Variants in SPOCK3 observed in about 807,000 individuals in gnomAD.
The protein encoded by SPOCK3 is SPARC (osteonectin), cwcv and kazal like domains proteoglycan 3.
SPOCK3 carries 30 observed loss-of-function variants against 56.6 expected under a neutral mutation model. The ratio of observed to expected loss-of-function variants is 0.53; its 90% CI spans 0.40 to 0.72. The LOEUF is 0.72. Among genes scored for constraint, SPOCK3 ranks in the 30% least tolerant of loss-of-function variants. The pLI is 0.00. For missense variants in SPOCK3, 527 were observed against 530.0 expected (o/e 0.99, Z 0.06); for synonymous variants, 196 against 183.3 (o/e 1.07, Z -0.56).
At chr4:167,131,870 T>A (rs1043469933) in intron 2 of SPOCK3, among the ~76,000 whole-genome samples, 2 of 152,206 alleles carry the variant, frequency 1.3e-5, no homozygotes, top group Non-Finnish European at 2.9e-5. Context: ...GTACTATGAA[T>A]CTCAAAACCT....
At chr4:167,086,211 A>G (rs769777871) in intron 2 of SPOCK3, among the ~76,000 whole-genome samples, 1 of 152,150 alleles carries the variant, frequency 6.6e-6, no homozygotes, top group Non-Finnish European at 1.5e-5. Context: ...GGGAAATAAT[A>G]TACTTAACTA....
At chr4:166,740,783 C>T (rs1734764288) in intron 9 of SPOCK3, among the ~76,000 whole-genome samples, 1 of 152,034 alleles carries the variant, frequency 6.6e-6, no homozygotes, top group Non-Finnish European at 1.5e-5. Context: ...ACCTTGGCCT[C>T]CTAAAGTGTT....
intron 8 of SPOCK3, chr4:166,754,186 G>A (rs1736769726): frequency 1.9e-6 from 2 of 1,039,328 alleles, no homozygotes; most frequent in Non-Finnish European, 2.3e-6. Context: ...AAAGCAGATA[G>A]CAAATTAATT....
intron 5 of SPOCK3, among the ~76,000 whole-genome samples, chr4:166,903,838 A>T (rs925618253): frequency 1.3e-5 from 2 of 152,052 alleles, no homozygotes; most frequent in African/African-American, 2.4e-5. Flanking sequence ...TAAAACATAC[A>T]GTGCTCATAG....
intron 3 of SPOCK3, among the ~76,000 whole-genome samples, chr4:167,040,632 G>T (rs899032769): frequency 2.0e-5 from 3 of 152,086 alleles, no homozygotes; most frequent in African/African-American, 7.2e-5. Flanking sequence ...AATTTCTCCT[G>T]AAAGTAAAAT....
chr4:166,812,141 T>C (rs1743894113), intron 6 of SPOCK3, among the ~76,000 whole-genome samples: 1 of 151,870 alleles, frequency 6.6e-6, no homozygotes, highest in African/African-American at 2.4e-5. Context: ...TATCTTTGAT[T>C]TAACAAATTC....
At chr4:166,802,679 AG>A (rs1742739955) in intron 6 of SPOCK3, among the ~76,000 whole-genome samples, 1 of 152,104 alleles carries the variant, frequency 6.6e-6, no homozygotes, top group South Asian at 2.1e-4. Context: ...AAGAATTTGA[AG>A]GGGTCACAAA....
intron 2 of SPOCK3, among the ~76,000 whole-genome samples, chr4:167,130,515 C>T (rs757486018): frequency 2.6e-5 from 4 of 151,950 alleles, no homozygotes; most frequent in Non-Finnish European, 5.9e-5. Flanking sequence ...CATATTTTAA[C>T]CTAATATGTC....
At chr4:167,073,101 TTAA>T (rs1484980805) in intron 2 of SPOCK3, among the ~76,000 whole-genome samples, 2 of 151,738 alleles carry the variant, frequency 1.3e-5, no homozygotes, top group Non-Finnish European at 2.9e-5. Flanking sequence ...TTGTATCATA[TTAA>T]TAATGTAAAA....
intron 2 of SPOCK3, chr4:167,119,991 A>C (rs1183962954): frequency 1.6e-6 from 1 of 609,134 alleles, no homozygotes; most frequent in Admixed American, 3.2e-5. Context: ...TTCCACTGAA[A>C]TATTTTATGT....
rs142013311 is a variant in SPOCK3, at chr4:167,126,600, C to T, written c.190-64063G>A. 2.3e-3 allele frequency among the ~76,000 whole-genome samples: 335 copies of T among 147,872 alleles called. 4 individuals are homozygous for T. The highest frequency in any genetic ancestry group is 8.0e-3 in the African/African-American group (320 of 39,952). ...CCAACATATTGATAAGCTTATATAC[C>T]TATGAATTTCCAACCCCTGCAATAC... On this transcript the variant is annotated intron_variant, in intron 2 of 10. Coordinates refer to ENST00000357545, the MANE Select transcript of SPOCK3 (RefSeq NM_001040159.2).
chr4:166,869,381 T>C (rs1220467069), intron 6 of SPOCK3, among the ~76,000 whole-genome samples: 1 of 152,112 alleles, frequency 6.6e-6, no homozygotes, highest in African/African-American at 2.4e-5. Context: ...AGCTCCAAAC[T>C]AAACCCTCAA....
chr4:166,992,288 C>T (rs1747877841), intron 4 of SPOCK3, among the ~76,000 whole-genome samples: 1 of 152,032 alleles, frequency 6.6e-6, no homozygotes, highest in Admixed American at 6.6e-5. Flanking sequence ...GTTACCTTAT[C>T]CACATGTTGT....
At chr4:166,918,551 A>G (rs190923631) in intron 4 of SPOCK3, 177 of 152,332 alleles carry the variant, frequency 1.2e-3, no homozygotes, top group African/African-American at 3.8e-3. Context: ...TGGATGTTAT[A>G]TAAGAAATCA....
At chr4:166,967,457 C>G (rs1004142276) in intron 4 of SPOCK3, among the ~76,000 whole-genome samples, 2 of 152,000 alleles carry the variant, frequency 1.3e-5, no homozygotes, top group African/African-American at 2.4e-5. Flanking sequence ...GCAGATTTCC[C>G]CCTTGTTGTT....
At chr4:166,852,895 G>T (rs1344141842) in intron 6 of SPOCK3, among the ~76,000 whole-genome samples, 1 of 152,014 alleles carries the variant, frequency 6.6e-6, no homozygotes, top group Non-Finnish European at 1.5e-5. Flanking sequence ...TTTTATTGCT[G>T]GTATTAAAAT....
intron 3 of SPOCK3, among the ~76,000 whole-genome samples, chr4:167,002,850 C>G (rs1430730410): frequency 1.3e-5 from 2 of 152,272 alleles, no homozygotes; most frequent in South Asian, 4.1e-4. Context: ...ATGTTGATGT[C>G]TAATTACTAA....
intron 7 of SPOCK3, among the ~76,000 whole-genome samples, chr4:166,780,082 C>A (rs972100641): frequency 6.6e-6 from 1 of 151,964 alleles, no homozygotes; most frequent in Non-Finnish European, 1.5e-5. Flanking sequence ...GTATTGTTCA[C>A]AAATAAACAA....
At chr4:166,927,036 A>G (rs781407094) in intron 4 of SPOCK3, among the ~76,000 whole-genome samples, 2 of 152,218 alleles carry the variant, frequency 1.3e-5, no homozygotes, top group Non-Finnish European at 2.9e-5. Context: ...GTCCACATAT[A>G]TATATTTCAA....
Sources: gnomAD v4.1 joint callset for allele counts (sites outside exome capture counted in the v4.1 genomes callset) on GRCh38, gnomAD v4.1.1 for gene constraint, MANE v1.5 for transcripts, NCBI Gene and HGNC (gene_info 2026-07-23, HGNC 2026-07-21) for gene names.